The following COMMD6 variants were observed in gnomAD, a reference collection of about 807,000 sequenced individuals.
COMMD6 encodes COMM domain containing 6, also known as COMM domain-containing protein 6.
Under a neutral mutation model 13.4 loss-of-function variants are expected in COMMD6, and 11 were observed. The observed-to-expected ratio is 0.82, with a 90% CI of 0.52 to 1.36. COMMD6 has a LOEUF of 1.36. COMMD6 is among the 40% of genes most tolerant of loss of function. The probability of loss-of-function intolerance (pLI) is 0.00; values close to 1 mark genes in which losing one functional copy is unlikely to be tolerated. For synonymous variants in COMMD6, 43 were observed against 36.5 expected (o/e 1.18, Z -0.64); for missense variants, 124 against 102.4 (o/e 1.21, Z -0.91).
intron 1 of COMMD6, among the ~76,000 whole-genome samples, chr13:75,544,247 G>A (rs1237147163): frequency 6.6e-6 from 1 of 152,030 alleles, no homozygotes; most frequent in East Asian, 1.9e-4. Flanking sequence ...TTAGCCTTTA[G>A]GCCAAATTTG....
At chr13:75,548,330 A>G (rs139952677) in intron 1 of COMMD6, among the ~76,000 whole-genome samples, 41 of 152,362 alleles carry the variant, frequency 2.7e-4, no homozygotes, top group African/African-American at 9.1e-4. Flanking sequence ...AGTTAAGGTA[A>G]TGAAATACCT....
intron 2 of COMMD6, among the ~76,000 whole-genome samples, chr13:75,535,828 T>C (rs2030644960): frequency 6.6e-6 from 1 of 152,226 alleles, no homozygotes; most frequent in African/African-American, 2.4e-5. Context: ...CTACCGCTTT[T>C]TGTAATTTTC....
intron 2 of COMMD6, 107 bp downstream of exon 2, chr13:75,537,557 C>T (rs540444818): frequency 6.4e-7 from 1 of 1,564,528 alleles, no homozygotes; most frequent in Admixed American, 2.0e-5. Context: ...GTCACCGGCT[C>T]GCGGACACAG....
At chr13:75,544,119 TG>T (rs1285047596) in intron 1 of COMMD6, among the ~76,000 whole-genome samples, 1 of 83,174 alleles carries the variant, frequency 1.2e-5, no homozygotes, top group Non-Finnish European at 2.4e-5. Context: ...TGGTGGTGGG[TG>T]GGGGGGAGGT....
At chr13:75,546,802 T>G (rs571746563) in intron 1 of COMMD6, among the ~76,000 whole-genome samples, 1 of 152,240 alleles carries the variant, frequency 6.6e-6, no homozygotes, top group Admixed American at 6.5e-5. Flanking sequence ...GTGATGATAT[T>G]GTGCATACTC....
chr13:75,527,471 T>G (rs191367622), intron 3 of COMMD6, among the ~76,000 whole-genome samples: 2 of 152,366 alleles, frequency 1.3e-5, no homozygotes, highest in Admixed American at 1.3e-4. Flanking sequence ...TCAAAGAATG[T>G]TCCTTAGCTC....
chr13:75,540,373 G>C (rs200357117), upstream of COMMD6, among the ~76,000 whole-genome samples: 26 of 97,514 alleles, frequency 2.7e-4, no homozygotes, highest in East Asian at 1.4e-3. Flanking sequence ...CACACACACA[G>C]ACACACACCC....
intron 3 of COMMD6, 115 bp from the exon 4 acceptor site, chr13:75,526,754 T>C: frequency 6.5e-6 from 4 of 613,552 alleles, no homozygotes; most frequent in Non-Finnish European, 1.1e-5. Flanking sequence ...TGCATTTTAG[T>C]GTTACATTCT....
chr13:75,546,699 A>T, intron 1 of COMMD6, among the ~76,000 whole-genome samples: 1 of 152,246 alleles, frequency 6.6e-6, no homozygotes, highest in East Asian at 1.9e-4. Context: ...GCATGGATTT[A>T]TGTAAATAAG....
chr13:75,546,499 A>C (rs972501320), intron 1 of COMMD6, among the ~76,000 whole-genome samples: 2 of 152,238 alleles, frequency 1.3e-5, no homozygotes, highest in Admixed American at 1.3e-4. Flanking sequence ...TTGTTAAGGC[A>C]TCAAACATTA....
upstream of COMMD6, among the ~76,000 whole-genome samples, chr13:75,543,775 GTAAGTGCTGA>G (rs1322777010): frequency 6.6e-6 from 1 of 152,178 alleles, no homozygotes; most frequent in East Asian, 1.9e-4. Context: ...TCTGAACATA[GTAAGTGCTGA>G]TAAATCCTAG....
intron 3 of COMMD6, 67 bp downstream of exon 3, chr13:75,530,047 T>G (rs1231495134): frequency 2.3e-6 from 3 of 1,300,922 alleles, no homozygotes; most frequent in Non-Finnish European, 3.2e-6. Flanking sequence ...TAGAAAGATT[T>G]TATACATCTT....
At chr13:75,535,340 A>G (rs140664266) in intron 2 of COMMD6, among the ~76,000 whole-genome samples, 6 of 152,236 alleles carry the variant, frequency 3.9e-5, no homozygotes, top group Non-Finnish European at 8.8e-5. Flanking sequence ...TCTCTTAAAA[A>G]GCTCTGAGTA....
chr13:75,539,340 A>G (rs1003843813), upstream of COMMD6, among the ~76,000 whole-genome samples: 2 of 152,144 alleles, frequency 1.3e-5, no homozygotes, highest in Middle Eastern at 3.4e-3. Flanking sequence ...CCAGGTTCAA[A>G]CAATTCTCCT....
At chr13:75,529,947 C>T (rs767864027) in intron 3 of COMMD6, 167 bp downstream of exon 3, 4 of 554,852 alleles carry the variant, frequency 7.2e-6, no homozygotes, top group Non-Finnish European at 6.3e-6. Context: ...TATCAAATTC[C>T]CAAAGAAGAC....
upstream of COMMD6, among the ~76,000 whole-genome samples, chr13:75,540,346 A>ACACACACACACACACACC (rs1566201748): frequency 8.1e-6 from 1 of 123,592 alleles, no homozygotes; most frequent in African/African-American, 4.6e-5. Context: ...ACACACACCC[A>ACACACACACACACACACC]CACACACACA....
At chr13:75,528,032 C>T (rs2030329248) in intron 3 of COMMD6, among the ~76,000 whole-genome samples, 1 of 142,756 alleles carries the variant, frequency 7.0e-6, no homozygotes. Flanking sequence ...CACACACACA[C>T]ATACATGCAC....
At chr13:75,537,465 G>A (rs1273507240) in intron 2 of COMMD6, 199 bp downstream of exon 2, 7 of 1,551,936 alleles carry the variant, frequency 4.5e-6, no homozygotes, top group Non-Finnish European at 6.1e-6. Context: ...GCAGGGTGGG[G>A]AAGAGGAGCT....
At chr13:75,533,201 G>C (rs1006717456) in intron 2 of COMMD6, among the ~76,000 whole-genome samples, 10 of 151,898 alleles carry the variant, frequency 6.6e-5, no homozygotes, top group African/African-American at 1.7e-4. Flanking sequence ...CAAAGTGCTG[G>C]GATTACAGGC....
Sources: allele counts gnomAD v4.1 joint callset (sites outside exome capture counted in the v4.1 genomes callset), GRCh38; gene constraint gnomAD v4.1.1; transcripts MANE v1.5; gene names NCBI Gene and HGNC (gene_info 2026-07-23, HGNC 2026-07-21).